Variants in CARS1 observed in about 807,000 individuals in gnomAD.
The protein encoded by CARS1 is cysteinyl-tRNA synthetase 1.
In CARS1, 48 loss-of-function variants were observed where a neutral mutation model predicts 106.2. The observed-to-expected ratio is 0.45, with a 90% CI of 0.36 to 0.57. The LOEUF is 0.57. Ranked by LOEUF, CARS1 falls within the 20% of genes least tolerant of loss-of-function variation. The pLI is 0.00. For synonymous variants in CARS1, 409 were observed against 403.4 expected (o/e 1.01, Z -0.17); for missense variants, 968 against 1,057.2 (o/e 0.92, Z 1.17).
At chr11:3,016,713 A>C (rs1189991529) in intron 16 of CARS1, among the ~76,000 whole-genome samples, 1 of 152,042 alleles carries the variant, frequency 6.6e-6, no homozygotes, top group African/African-American at 2.4e-5. Context: ...TCCTGGGCTC[A>C]AGCGAGCCCC....
In CARS1 at chr11:3,020,456, T is replaced by C; in HGVS notation, c.1154-124A>G. On this transcript the variant is annotated intron_variant, in intron 10 of 22. Coordinates refer to ENST00000380525, the MANE Select transcript of CARS1 (RefSeq NM_001014437.3). This position sits in a 1 kb window ranked among gnomAD's most constrained non-coding sequence, Gnocchi z 4.6. ...TCTGACTAACTTCTGTTTATTAACT[T>C]GGCTCAAGCATTTCTTCAAGTTAAC... The C allele has an allele frequency of 1.5e-6, 1 of 645,718 alleles. No individual in the cohort carries two copies. The highest frequency in any genetic ancestry group is 1.7e-5 in the South Asian group (1 of 58,174). 40.0% of individuals were successfully genotyped at this position (645,718 alleles called of 1,614,324 possible). A position where few individuals can be genotyped will look rare whatever the true frequency, so the allele number is the denominator to read the frequency against.
At chr11:3,042,598 G>T (rs10833125) in intron 2 of CARS1, among the ~76,000 whole-genome samples, 122,144 of 152,178 alleles carry the variant, frequency 0.8, 49,158 homozygotes, top group East Asian at 0.86. Flanking sequence ...CCAGGAGGGC[G>T]GAGGAATGCC....
rs1171642557 is a variant in CARS1, at chr11:3,041,007, A to G, written c.367-23T>C. The G allele has an allele frequency of 6.2e-7, 1 of 1,614,104 alleles. No individual in the cohort carries two copies. The highest frequency in any genetic ancestry group is 1.1e-5 in the South Asian group (1 of 91,054). On this transcript the variant is annotated intron_variant, in intron 3 of 22. Transcript: ENST00000380525. This position sits in a 1 kb window ranked among gnomAD's most constrained non-coding sequence, Gnocchi z 4.9. Reference sequence around the variant, plus strand: ...TTCCTTTGTTAGGAATGAAGGAATGACGATCACAAGAAATGCAAGAAACAC... The same window carrying G: ...TTCCTTTGTTAGGAATGAAGGAATGGCGATCACAAGAAATGCAAGAAACAC...
chr11:3,049,670 C>A (rs542126199), intron 1 of CARS1, among the ~76,000 whole-genome samples: 46 of 152,346 alleles, frequency 3.0e-4, no homozygotes, highest in African/African-American at 9.6e-4. Flanking sequence ...ACATGTCTGG[C>A]CACCCCTTGC....
chr11:3,017,946 G>C lies in CARS1; in HGVS notation c.1638C>G (p.Phe546Leu). Residue 546 changes from phenylalanine (F) to leucine (L), a missense_variant, in exon 15 of 23, where the codon TTC (phenylalanine) becomes TTG (leucine). Transcript: ENST00000380525. This position sits in a 1 kb window ranked among gnomAD's most constrained non-coding sequence, Gnocchi z 4.9. ...LQYEKFLNEFFLNVKDILRAP... is the reference protein window; with the variant it reads ...LQYEKFLNEFLLNVKDILRAP... The stretch of plus-strand genomic sequence containing the variant: ...CGCGAAGGATATCTTTCACATTTAA[G>C]AAAAACTCCTGAAGTTAGAAAAATC... 1 of 1,611,626 alleles carries C rather than the reference G, an allele frequency of 6.2e-7. No individual in the cohort carries two copies. The highest frequency in any genetic ancestry group is 8.5e-7 in the Non-Finnish European group (1 of 1,178,258).
intron 18 of CARS1, among the ~76,000 whole-genome samples, chr11:3,011,893 G>A (rs1850498206): frequency 6.6e-6 from 1 of 152,226 alleles, no homozygotes; most frequent in African/African-American, 2.4e-5. Flanking sequence ...GCTCAGAGAA[G>A]GAGAGGCAAA....
At chr11:3,024,320 C>T (rs533223180) in intron 10 of CARS1, among the ~76,000 whole-genome samples, 1 of 152,298 alleles carries the variant, frequency 6.6e-6, no homozygotes, top group African/African-American at 2.4e-5. Flanking sequence ...CTTAAACACC[C>T]CTGATTTCCC....
intron 7 of CARS1, among the ~76,000 whole-genome samples, chr11:3,035,024 C>T (rs571941629): frequency 2.0e-4 from 30 of 152,216 alleles, no homozygotes; most frequent in African/African-American, 7.2e-4. Flanking sequence ...AACAGCCCCA[C>T]TCTCATGATA....
intron 16 of CARS1, 84 bp from the exon 17 acceptor site, chr11:3,015,933 T>G: frequency 1.7e-6 from 2 of 1,162,212 alleles, no homozygotes; most frequent in Non-Finnish European, 1.3e-6. Flanking sequence ...TGTTCCTCGT[T>G]CACGGGAGGG....
chr11:3,017,872 GCTT>G lies in CARS1; in HGVS notation c.1709_1711del (p.Glu570del), dbSNP rs768325747. The G allele has an allele frequency of 6.2e-6, 10 of 1,610,900 alleles. No homozygotes were observed. Among genetic ancestry groups the G allele is most frequent in the Admixed American group, 1.7e-5 (1 of 59,994 alleles). ...ACCACCTTACTTCTTATTCAGTTCT[GCTT>G]CTTCTTCTCCCCACTTCTCAAACTG... is the stretch of plus-strand genomic sequence containing the variant. On this transcript the variant is annotated inframe_deletion, in exon 15 of 23. Transcript: ENST00000380525. The surrounding 1 kb of genome is among the most constrained non-coding windows in gnomAD (Gnocchi z 4.9).
In CARS1 at chr11:3,017,175, T is replaced by C. The variant is rs918253160; in HGVS notation, c.1848A>G (p.Lys616=). ...SQCNLYMAAR[K]AVRKRPNQAL... ...CCTGGTTGGGCCTCTTCCTCACGGC[T>C]TTCCGGGCTGCCATATAGAGGTTGC... The change falls in exon 16 of 23, where the codon AAA becomes AAG. Residue 616 remains lysine, a synonymous_variant. Transcript: ENST00000380525. This position sits in a 1 kb window ranked among gnomAD's most constrained non-coding sequence, Gnocchi z 4.9. The C allele has an allele frequency of 5.6e-6, 9 of 1,614,090 alleles. No homozygotes were observed. In the African/African-American group the frequency reaches 1.2e-4, roughly 22 times the overall value.
intron 12 of CARS1, 87 bp from the exon 13 acceptor site, chr11:3,018,836 G>A: frequency 6.6e-7 from 1 of 1,514,444 alleles, no homozygotes; most frequent in East Asian, 2.3e-5. Flanking sequence ...CCTTGTTGGT[G>A]CTGTCCACAG....
intron 17 of CARS1, among the ~76,000 whole-genome samples, chr11:3,013,761 G>A (rs1221647989): frequency 2.6e-5 from 4 of 152,116 alleles, no homozygotes. Context: ...GCTGAGGCAG[G>A]AGAATCACTT....
chr11:3,029,043 C>T lies in CARS1; in HGVS notation c.984G>A (p.Val328=). 3.1e-6 allele frequency: 5 copies of T among 1,614,004 alleles called. No individual in the cohort carries two copies. Among genetic ancestry groups the T allele is most frequent in the Non-Finnish European group, 4.2e-6 (5 of 1,179,908 alleles). Residue 328 remains valine, a synonymous_variant, in exon 9 of 23, where the codon GTG becomes GTA. Coordinates refer to ENST00000380525, the MANE Select transcript of CARS1 (RefSeq NM_001014437.3). This position sits in a 1 kb window ranked among gnomAD's most constrained non-coding sequence, Gnocchi z 5.9. ...TCTGGACAAAGTTCACAATTTCTGG[C>T]ACATACTCACTAACCCGGGTTAAGA... The part of the protein sequence containing the change: ...PDVLTRVSEY[V]PEIVNFVQKI...
At chr11:3,010,485 G>C (rs1043821629) in intron 18 of CARS1, among the ~76,000 whole-genome samples, 4 of 152,256 alleles carry the variant, frequency 2.6e-5, no homozygotes, top group Middle Eastern at 3.2e-3. Context: ...TTTGATTCCA[G>C]TGCTTTGAAA....
chr11:3,050,397 C>A lies in CARS1; in HGVS notation c.26-2396G>T, dbSNP rs1375128642. Among the ~76,000 whole-genome samples, 1 of 152,138 alleles carries A rather than the reference C, an allele frequency of 6.6e-6. No homozygotes were observed. The highest frequency in any genetic ancestry group is 1.5e-5 in the Non-Finnish European group (1 of 68,014). ...TCCCTAGCCAAAACTGGAATCACAC[C>A]CCTTTACAAGTTATCCTTAGGAGCA... On this transcript the variant is annotated intron_variant, in intron 1 of 22. Transcript: ENST00000380525. The surrounding 1 kb of genome is among the most constrained non-coding windows in gnomAD (Gnocchi z 6.3).
chr11:3,002,097 C>T, intron 21 of CARS1, 44 bp from the exon 22 acceptor site: 1 of 1,348,672 alleles, frequency 7.4e-7, no homozygotes, highest in South Asian at 1.2e-5. Flanking sequence ...CGAGCAGCAC[C>T]TGGGGCTCCG....
At position 3,049,095 on chromosome 11, in the gene CARS1, T is replaced by TTTTA. The variant is rs143824188; in HGVS notation, c.26-1098_26-1095dup. ...TCCTCCTCCATTCTCCCTTTTTTATTTTTATTTATTTATTTATTTATTTAT... is the reference window on the plus strand; with the variant it reads ...TCCTCCTCCATTCTCCCTTTTTTATTTTTATTTATTTATTTATTTATTTATTTAT... On this transcript the variant is annotated intron_variant, in intron 1 of 22. Coordinates refer to ENST00000380525, the MANE Select transcript of CARS1 (RefSeq NM_001014437.3). 7.0e-3 allele frequency among the ~76,000 whole-genome samples: 1,061 copies of TTTTA among 150,538 alleles called. 7 individuals carry two copies. Among genetic ancestry groups the TTTTA allele is most frequent in the African/African-American group, 0.023 (931 of 40,982 alleles).
At chr11:3,036,386 C>G (rs1853640338) in intron 7 of CARS1, among the ~76,000 whole-genome samples, 1 of 152,042 alleles carries the variant, frequency 6.6e-6, no homozygotes, top group Non-Finnish European at 1.5e-5. Flanking sequence ...AAGAAACTTG[C>G]AAATGTCCAC....
Sources: allele counts gnomAD v4.1 joint callset (sites outside exome capture counted in the v4.1 genomes callset), GRCh38; gene constraint gnomAD v4.1.1; non-coding constraint Gnocchi (gnomAD v3.1); transcripts MANE v1.5; gene names NCBI Gene and HGNC (gene_info 2026-07-23, HGNC 2026-07-21).